Variants in ZBTB34 observed in about 807,000 individuals in gnomAD.
The protein encoded by ZBTB34 is zinc finger and BTB domain containing 34.
Under a neutral mutation model 33.4 loss-of-function variants are expected in ZBTB34, and 1 was observed. That is an observed-to-expected ratio of 0.03 (90% CI 0.01 to 0.14). The LOEUF is 0.14. ZBTB34 is among the 10% of genes least tolerant of loss of function. The pLI, the probability that ZBTB34 is intolerant of heterozygous loss-of-function variation, is 1.00. For missense variants in ZBTB34, 406 were observed against 657.2 expected (o/e 0.62, Z 4.18); for synonymous variants, 283 against 253.5 (o/e 1.12, Z -1.11).
At chr9:126,878,967 G>A (rs1298885962) in intron 1 of ZBTB34, among the ~76,000 whole-genome samples, 4 of 152,052 alleles carry the variant, frequency 2.6e-5, no homozygotes, top group East Asian at 3.9e-4. Flanking sequence ...CAAGTGATCC[G>A]CCTCCCTCAG....
rs373523870 is a variant in ZBTB34 at position 126,879,490 on chromosome 9, C to T, written c.91C>T (p.Leu31=). The change falls in exon 2 of 2, where the codon CTG becomes TTG. Residue 31 remains leucine, a synonymous_variant. Coordinates refer to ENST00000319119, the Ensembl canonical transcript of ZBTB34. The surrounding 1 kb of genome is among the most constrained non-coding windows in gnomAD (Gnocchi z 6.4). ...TCTGAGCCAGCTAAACGAACTCCGC[C>T]TGCAGGGGAAACTATGTGACATCAT... is the stretch of plus-strand genomic sequence containing the variant. The T allele has an allele frequency of 1.6e-5, 26 of 1,613,948 alleles. 1 individual carries two copies. The African/African-American group carries it at 2.7e-4, about 17-fold the overall frequency.
intron 1 of ZBTB34, among the ~76,000 whole-genome samples, chr9:126,874,321 A>C (rs1424533899): frequency 6.6e-6 from 1 of 151,366 alleles, no homozygotes; most frequent in Non-Finnish European, 1.5e-5. Flanking sequence ...AAGTGCTGGG[A>C]TTACAGGCGT....
intron 1 of ZBTB34, among the ~76,000 whole-genome samples, chr9:126,870,709 C>A (rs564505445): frequency 2.0e-5 from 3 of 152,296 alleles, no homozygotes; most frequent in Admixed American, 6.5e-5. Context: ...GGTGGATCAT[C>A]TGAGGTCAGG....
At chr9:126,873,164 T>C (rs193190131) in intron 1 of ZBTB34, among the ~76,000 whole-genome samples, 1 of 152,358 alleles carries the variant, frequency 6.6e-6, no homozygotes, top group East Asian at 1.9e-4. Context: ...ATGAGAATGC[T>C]ATGATGAGTA....
chr9:126,867,338 C>T (rs189158840), intron 1 of ZBTB34, among the ~76,000 whole-genome samples: 29 of 152,012 alleles, frequency 1.9e-4, no homozygotes, highest in African/African-American at 6.3e-4. Context: ...AAACTGTGTG[C>T]AAGGCTGATG....
At chr9:126,862,483 C>T (rs902342214) in intron 1 of ZBTB34, among the ~76,000 whole-genome samples, 1 of 152,140 alleles carries the variant, frequency 6.6e-6, no homozygotes, top group Non-Finnish European at 1.5e-5. Flanking sequence ...TGGTTTGGCC[C>T]CACCCCACCT....
intron 1 of ZBTB34, among the ~76,000 whole-genome samples, chr9:126,861,967 G>A (rs1226327989): frequency 6.6e-6 from 1 of 152,146 alleles, no homozygotes; most frequent in Admixed American, 6.5e-5. Flanking sequence ...TCCATGTGGT[G>A]GGAAAGTAGT....
At chr9:126,882,151 ACT>A (rs1425535335) in exon 2 of ZBTB34, 1 of 166,838 alleles carries the variant, frequency 6.0e-6, no homozygotes, top group Non-Finnish European at 1.5e-5. Context: ...TGGCTCCCCC[ACT>A]CTCTCAGTGT....
chr9:126,869,718 A>G (rs529210762), intron 1 of ZBTB34, among the ~76,000 whole-genome samples: 24 of 152,302 alleles, frequency 1.6e-4, no homozygotes, highest in Non-Finnish European at 2.5e-4. Context: ...GTGAGGTGAA[A>G]GCTATTCCAC....
chr9:126,880,712 G>A lies in ZBTB34; in HGVS notation c.1313G>A (p.Gly438Glu). 1.2e-6 allele frequency: 2 copies of A among 1,613,812 alleles called. No individual in the cohort carries two copies. Among genetic ancestry groups the A allele is most frequent in the Non-Finnish European group, 1.7e-6 (2 of 1,179,894 alleles). ...AAACCATTCCGCTGTGAGATCTGCG[G>A]GAAGTGCTTTCCATTCCAAGGTACC... Residue 438 changes from glycine to glutamate, a missense_variant, in exon 2 of 2, where the codon GGG becomes GAG. Gly to Glu is a moderately conservative substitution (Grantham distance 98, BLOSUM62 -2). Around this residue, in one of 6 missense-constraint regions of ZBTB34, gnomAD observed 36 missense variants for 109.4 expected, o/e 0.33. Transcript: ENST00000319119. The surrounding 1 kb of genome is among the most constrained non-coding windows in gnomAD (Gnocchi z 6.7).
intron 1 of ZBTB34, among the ~76,000 whole-genome samples, chr9:126,871,376 T>G (rs921862754): frequency 1.5e-4 from 22 of 151,128 alleles, no homozygotes; most frequent in African/African-American, 5.1e-4. Context: ...CTTTTTTTTT[T>G]TTTTTGAGAT....
At chr9:126,876,080 C>G (rs762551497) in intron 1 of ZBTB34, among the ~76,000 whole-genome samples, 2 of 144,450 alleles carry the variant, frequency 1.4e-5, no homozygotes, top group South Asian at 4.4e-4. Flanking sequence ...GATATTGGGG[C>G]TAGCTATTGG....
Position 126,880,222 on chromosome 9 carries a change from A to G in ZBTB34, c.823A>G (p.Asn275Asp). 1.2e-6 allele frequency: 2 copies of G among 1,613,742 alleles called. No individual in the cohort carries two copies. Among genetic ancestry groups the G allele is most frequent in the Non-Finnish European group, 1.7e-6 (2 of 1,179,866 alleles). The change falls in exon 2 of 2, where the codon AAT becomes GAT. Residue 275 changes from asparagine (N) to aspartate (D), a missense_variant. By Grantham distance (23) the Asn-to-Asp change is conservative. Coordinates refer to ENST00000319119, the Ensembl canonical transcript of ZBTB34. The surrounding 1 kb of genome is among the most constrained non-coding windows in gnomAD (Gnocchi z 6.7). The stretch of plus-strand genomic sequence containing the variant: ...TGATGGGGAACAAGTTGTGGCAGTG[A>G]ATGTGGGCTCCTATGGTTCTGTGCT...
chr9:126,876,011 C>T (rs536495876), intron 1 of ZBTB34, among the ~76,000 whole-genome samples: 19 of 151,722 alleles, frequency 1.3e-4, no homozygotes, highest in South Asian at 4.2e-4. Flanking sequence ...GATTCTTGTC[C>T]GCAGGACTTT....
chr9:126,867,430 CT>C (rs1012643344), intron 1 of ZBTB34, among the ~76,000 whole-genome samples: 1 of 135,726 alleles, frequency 7.4e-6, no homozygotes, highest in African/African-American at 2.7e-5. Flanking sequence ...ATCTTTGCTT[CT>C]TTTTTTGTCA....
chr9:126,862,197 C>T (rs1258261169), intron 1 of ZBTB34, among the ~76,000 whole-genome samples: 1 of 152,188 alleles, frequency 6.6e-6, no homozygotes, highest in Middle Eastern at 3.4e-3. Context: ...AGGAATCAGG[C>T]CCAGTGATCC....
At position 126,881,047 on chromosome 9, in the gene ZBTB34, A is replaced by T. The variant is rs1035520209; in HGVS notation, c.*133A>T. 4 of 1,040,180 alleles carry T rather than the reference A, an allele frequency of 3.8e-6. No homozygotes were observed. In the African/African-American group the frequency reaches 6.5e-5, roughly 17 times the overall value. The allele number at this position is 1,040,180 out of a possible 1,614,324, so 64.4% of individuals were successfully genotyped here. On this transcript the variant is annotated 3_prime_UTR_variant, in exon 2 of 2. Coordinates refer to ENST00000319119, the Ensembl canonical transcript of ZBTB34. ...TTGGCAGTTTTTCTAAAGTTTCTGG[A>T]TGGAACACTTCGTTGTGTTTATCCT...
At chr9:126,862,403 C>A (rs2033153870) in intron 1 of ZBTB34, among the ~76,000 whole-genome samples, 1 of 152,176 alleles carries the variant, frequency 6.6e-6, no homozygotes, top group African/African-American at 2.4e-5. Context: ...CTGTTCAAAG[C>A]TGAGTAGTGG....
rs1200769800 is a variant in ZBTB34, at chr9:126,879,578, A to T, written c.179A>T (p.Tyr60Phe). Residue 60 changes from tyrosine to phenylalanine, a missense_variant, in exon 2 of 2, where the codon TAT (tyrosine) becomes TTT (phenylalanine). By Grantham distance (22) the Tyr-to-Phe change is conservative. Coordinates refer to ENST00000319119, the Ensembl canonical transcript of ZBTB34. The surrounding 1 kb of genome is among the most constrained non-coding windows in gnomAD (Gnocchi z 6.4). ...GCAGTCCTTGCTGCCAGCTCCCCAT[A>T]TTTCCGGGACCATTCAGCGTTAAGT... 1 of 1,613,764 alleles carries T rather than the reference A, an allele frequency of 6.2e-7. No individual in the cohort carries two copies. Among genetic ancestry groups the T allele is most frequent in the African/African-American group, 1.3e-5 (1 of 74,904 alleles).
Sources: allele counts gnomAD v4.1 joint callset (sites outside exome capture counted in the v4.1 genomes callset), GRCh38; gene constraint gnomAD v4.1.1; regional missense constraint gnomAD v4.1.1; non-coding constraint Gnocchi (gnomAD v3.1); transcripts MANE v1.5; gene names NCBI Gene and HGNC (gene_info 2026-07-23, HGNC 2026-07-21).